Variants in CPQ observed in about 807,000 individuals in gnomAD.
CPQ encodes carboxypeptidase Q.
Under a neutral mutation model 45.7 loss-of-function variants are expected in CPQ, and 37 were observed. The observed-to-expected ratio is 0.81, with a 90% confidence interval of 0.62 to 1.07. The LOEUF (loss-of-function observed/expected upper bound fraction) is 1.07, where lower values mean the gene tolerates loss of function less well. CPQ is among the 50% of genes least tolerant of loss of function. The pLI, the probability that CPQ is intolerant of heterozygous loss-of-function variation, is 0.00. For synonymous variants in CPQ, 186 were observed against 205.8 expected, an observed-to-expected ratio of 0.90 and a Z score of 0.82; for missense variants, 537 against 572.9, an observed-to-expected ratio of 0.94 and a Z score of 0.64.
At chr8:97,002,805 G>C (rs1809308385) in intron 5 of CPQ, among the ~76,000 whole-genome samples, 2 of 152,136 alleles carry the variant, frequency 1.3e-5, no homozygotes, top group African/African-American at 2.4e-5. Flanking sequence ...TTCAGATCCT[G>C]AATATCTTTG....
chr8:96,768,077 C>T (rs1447821175), intron 1 of CPQ, among the ~76,000 whole-genome samples: 2 of 152,072 alleles, frequency 1.3e-5, no homozygotes, highest in Non-Finnish European at 2.9e-5. Flanking sequence ...TTTAAAGTTA[C>T]CTTTTTAATT....
At chr8:96,789,358 C>G (rs1247860369) in intron 2 of CPQ, among the ~76,000 whole-genome samples, 1 of 152,166 alleles carries the variant, frequency 6.6e-6, no homozygotes, top group Non-Finnish European at 1.5e-5. Context: ...CTTGACTGTA[C>G]TAACTCTGTG....
At chr8:96,838,549 A>G (rs1236224816) in intron 3 of CPQ, among the ~76,000 whole-genome samples, 1 of 152,156 alleles carries the variant, frequency 6.6e-6, no homozygotes, top group East Asian at 1.9e-4. Flanking sequence ...AATTTGGCCT[A>G]TCTTTATGTC....
intron 1 of CPQ, among the ~76,000 whole-genome samples, chr8:96,660,926 T>A (rs1815694037): frequency 6.6e-6 from 1 of 152,218 alleles, no homozygotes; most frequent in East Asian, 1.9e-4. Context: ...TTACTTTATA[T>A]AAGTACTGAA....
chr8:96,797,241 AC>A (rs1810943507), intron 2 of CPQ, among the ~76,000 whole-genome samples: 1 of 152,154 alleles, frequency 6.6e-6, no homozygotes, highest in Non-Finnish European at 1.5e-5. Flanking sequence ...TACTTCTAGA[AC>A]CCTAACTGTA....
At chr8:96,984,732 G>A (rs1813978162) in intron 5 of CPQ, among the ~76,000 whole-genome samples, 1 of 152,162 alleles carries the variant, frequency 6.6e-6, no homozygotes, top group South Asian at 2.1e-4. Flanking sequence ...TTTTTTAGAT[G>A]TGTGATGCCT....
chr8:96,656,593 C>A (rs1187896468), intron 1 of CPQ, among the ~76,000 whole-genome samples: 2 of 152,124 alleles, frequency 1.3e-5, no homozygotes, highest in Non-Finnish European at 2.9e-5. Flanking sequence ...GATTGAGTCA[C>A]TCTTTGGATT....
chr8:96,821,709 C>T (rs1046230787), intron 2 of CPQ, among the ~76,000 whole-genome samples: 4 of 151,820 alleles, frequency 2.6e-5, no homozygotes, highest in African/African-American at 9.7e-5. Context: ...ACTGTTCTTT[C>T]ATTGACTAAT....
intron 6 of CPQ, among the ~76,000 whole-genome samples, chr8:97,054,618 A>T (rs1159454873): frequency 7.2e-6 from 1 of 138,844 alleles, no homozygotes. Flanking sequence ...TATCTTCTGC[A>T]GCAACTTGGA....
intron 1 of CPQ, among the ~76,000 whole-genome samples, chr8:96,685,301 C>A (rs576157425): frequency 1.3e-5 from 2 of 151,920 alleles, no homozygotes; most frequent in African/African-American, 4.8e-5. Context: ...ATTAGAAAAT[C>A]TTTATTGCTC....
At chr8:97,140,727 G>C (rs2130633709) in intron 7 of CPQ, among the ~76,000 whole-genome samples, 1 of 152,114 alleles carries the variant, frequency 6.6e-6, no homozygotes, top group African/African-American at 2.4e-5. Context: ...ATCTGAAAGA[G>C]CAAATGGTTC....
intron 3 of CPQ, among the ~76,000 whole-genome samples, chr8:96,874,875 C>T (rs1444674420): frequency 6.6e-6 from 1 of 151,820 alleles, no homozygotes; most frequent in Non-Finnish European, 1.5e-5. Context: ...ATTGCTGGGC[C>T]ATGTGATAAG....
intron 7 of CPQ, among the ~76,000 whole-genome samples, chr8:97,081,412 A>C (rs970678735): frequency 6.6e-6 from 1 of 152,124 alleles, no homozygotes; most frequent in African/African-American, 2.4e-5. Context: ...ACATAAACCC[A>C]ATATATGTGT....
chr8:96,800,313 G>A (rs559938786), intron 2 of CPQ, among the ~76,000 whole-genome samples: 1 of 152,298 alleles, frequency 6.6e-6, no homozygotes, highest in African/African-American at 2.4e-5. Context: ...AGATCACTTT[G>A]TAGCAGGGAT....
At chr8:96,998,135 A>G (rs1809207814) in intron 5 of CPQ, among the ~76,000 whole-genome samples, 1 of 152,002 alleles carries the variant, frequency 6.6e-6, no homozygotes, top group Non-Finnish European at 1.5e-5. Flanking sequence ...ATACGGTGGC[A>G]TGATTAAGAC....
Position 96,785,241 on chromosome 8 carries a change from G to A in CPQ, c.344G>A (p.Arg115Lys), listed in dbSNP as rs1810751451. 1 of 1,613,556 alleles carries A rather than the reference G, an allele frequency of 6.2e-7. No individual in the cohort carries two copies. Among genetic ancestry groups the A allele is most frequent in the African/African-American group, 1.3e-5 (1 of 75,010 alleles). The part of the protein sequence containing the change: ...LEPVRIPHWE[R>K]GEESAVMLEP... ...CCAGTGAGAATACCCCACTGGGAGA[G>A]GGGAGAAGAATCAGCTGTGATGCTG... is the stretch of plus-strand genomic sequence containing the variant. Residue 115 changes from arginine (R) to lysine (K), a missense_variant, in exon 2 of 8, where the codon AGG (arginine) becomes AAG (lysine). Coordinates refer to ENST00000220763, the MANE Select transcript of CPQ (RefSeq NM_016134.4).
At chr8:96,840,997 T>TC (rs1811600056) in intron 3 of CPQ, among the ~76,000 whole-genome samples, 1 of 152,220 alleles carries the variant, frequency 6.6e-6, no homozygotes, top group African/African-American at 2.4e-5. Flanking sequence ...TGATGGGATG[T>TC]CCCCCCTCTT....
chr8:96,652,293 A>G (rs1815585642), intron 1 of CPQ, among the ~76,000 whole-genome samples: 1 of 152,206 alleles, frequency 6.6e-6, no homozygotes, highest in Admixed American at 6.5e-5. Flanking sequence ...TGTTGTCACA[A>G]ATGACAGAAT....
intron 1 of CPQ, among the ~76,000 whole-genome samples, chr8:96,727,968 C>T (rs973379642): frequency 6.6e-6 from 1 of 152,196 alleles, no homozygotes; most frequent in Admixed American, 6.5e-5. Context: ...GGATTCAACC[C>T]ATAGGTCGCC....
Sources: gnomAD v4.1 joint callset for allele counts (sites outside exome capture counted in the v4.1 genomes callset) on GRCh38, gnomAD v4.1.1 for gene constraint, MANE v1.5 for transcripts, NCBI Gene and HGNC (gene_info 2026-07-23, HGNC 2026-07-21) for gene names.